The following ABCC1 variants were observed in gnomAD, a reference collection of about 807,000 sequenced individuals.
ABCC1 encodes ATP binding cassette subfamily C member 1 (ABCC1 blood group), also known as multidrug resistance-associated protein 1.
ABCC1 carries 83 observed loss-of-function variants against 172.9 expected under a neutral mutation model. The ratio of observed to expected loss-of-function variants is 0.48; its 90% CI spans 0.40 to 0.58. ABCC1 has a LOEUF of 0.58. Among genes scored for constraint, ABCC1 ranks in the 20% least tolerant of loss-of-function variants. The probability of loss-of-function intolerance (pLI) is 0.00; values close to 1 mark genes in which losing one functional copy is unlikely to be tolerated. For synonymous variants in ABCC1, 937 were observed against 825.2 expected (o/e 1.14, Z -2.32); for missense variants, 1,817 against 2,002.7 (o/e 0.91, Z 1.77).
intron 1 of ABCC1, among the ~76,000 whole-genome samples, chr16:15,982,829 A>G (rs1345474373): frequency 1.3e-5 from 2 of 149,040 alleles, no homozygotes; most frequent in Non-Finnish European, 1.5e-5. Flanking sequence ...AAAAAAGGAA[A>G]TCCATTCTTA....
chr16:16,094,814 CT>C lies in ABCC1; in HGVS notation c.2644+4248del, dbSNP rs895974418. Among the ~76,000 whole-genome samples the C allele has an allele frequency of 8.7e-3, 1,051 of 120,618 alleles. 5 individuals are homozygous for C. The highest frequency in any genetic ancestry group is 0.027 in the African/African-American group (767 of 27,988). The allele number at this position is 120,618 out of a possible 152,430, so 79.1% of individuals were successfully genotyped here. ...ACAGGCGTGAGCCACTGCGCCTGGC[CT>C]TTTTTTTTTTTTTTTTTTTTTGATA... On this transcript the variant is annotated intron_variant, in intron 19 of 30. Coordinates refer to ENST00000399410, the MANE Select transcript of ABCC1 (RefSeq NM_004996.4).
intron 14 of ABCC1, 129 bp downstream of exon 14, chr16:16,071,858 AC>A: frequency 6.3e-6 from 5 of 795,066 alleles, no homozygotes; most frequent in Non-Finnish European, 1.0e-5. Context: ...TGTCTGCGAG[AC>A]CCCGGGGGAC....
At chr16:16,012,923 T>C (rs980660529) in intron 3 of ABCC1, among the ~76,000 whole-genome samples, 11 of 152,182 alleles carry the variant, frequency 7.2e-5, no homozygotes, top group African/African-American at 2.7e-4. Flanking sequence ...CCTCAGGTGA[T>C]CCACGTGCCT....
At chr16:15,951,534 AC>A (rs2045872814) in intron 1 of ABCC1, among the ~76,000 whole-genome samples, 1 of 151,854 alleles carries the variant, frequency 6.6e-6, no homozygotes, top group Non-Finnish European at 1.5e-5. Context: ...CCCGTGTTTG[AC>A]CTTGCGTATT....
chr16:16,142,900 A>G lies in ABCC1; in HGVS notation c.*1619A>G, dbSNP rs1281625114. ...ATTACGCCGCCGACTTCAAACCCAGAGAGCATCTTTCTTTTAGGCGAAAAC... is the reference window on the plus strand; with the variant it reads ...ATTACGCCGCCGACTTCAAACCCAGGGAGCATCTTTCTTTTAGGCGAAAAC... On this transcript the variant is annotated 3_prime_UTR_variant, in exon 31 of 31. Transcript: ENST00000399410. 2.0e-5 allele frequency: 3 copies of G among 152,586 alleles called. No homozygotes were observed. The highest frequency in any genetic ancestry group is 7.2e-5 in the African/African-American group (3 of 41,444). 9.5% of individuals were successfully genotyped at this position (152,586 alleles called of 1,614,324 possible).
At chr16:16,085,679 C>T (rs2050978241) in intron 17 of ABCC1, among the ~76,000 whole-genome samples, 1 of 152,174 alleles carries the variant, frequency 6.6e-6, no homozygotes, top group Non-Finnish European at 1.5e-5. Context: ...ACTTAGGGGG[C>T]TGAGGTGAGA....
chr16:16,104,910 G>T (rs2052001167), intron 20 of ABCC1, among the ~76,000 whole-genome samples: 1 of 152,132 alleles, frequency 6.6e-6, no homozygotes, highest in Non-Finnish European at 1.5e-5. Flanking sequence ...GGGGCTGCCC[G>T]GCAGCTCTGA....
intron 1 of ABCC1, among the ~76,000 whole-genome samples, chr16:16,005,948 C>T (rs778029478): frequency 1.3e-5 from 2 of 149,634 alleles, no homozygotes; most frequent in Non-Finnish European, 3.0e-5. Context: ...GAGCTGAGAT[C>T]ATGCCACTGC....
intron 4 of ABCC1, among the ~76,000 whole-genome samples, chr16:16,015,570 G>A (rs1004610801): frequency 1.3e-5 from 2 of 152,244 alleles, no homozygotes; most frequent in Admixed American, 6.5e-5. Context: ...ATGAGTGATA[G>A]CAGCTGATGC....
chr16:15,996,560 G>A (rs1342445192), intron 1 of ABCC1, among the ~76,000 whole-genome samples: 1 of 152,144 alleles, frequency 6.6e-6, no homozygotes, highest in East Asian at 1.9e-4. Flanking sequence ...CCTGTTGTCT[G>A]CCCCATCCTC....
intron 1 of ABCC1, among the ~76,000 whole-genome samples, chr16:16,003,998 TGGTG>T (rs201252785): frequency 6.8e-6 from 1 of 147,770 alleles, no homozygotes; most frequent in Non-Finnish European, 1.5e-5. Context: ...ATGGATGCAT[TGGTG>T]GGTGGGTGGA....
chr16:16,057,384 A>C (rs1433076469), intron 12 of ABCC1, among the ~76,000 whole-genome samples: 1 of 151,518 alleles, frequency 6.6e-6, no homozygotes, highest in Admixed American at 6.6e-5. Flanking sequence ...AAAAAAAATA[A>C]GTAAAATAAA....
intron 9 of ABCC1, among the ~76,000 whole-genome samples, chr16:16,047,522 T>A (rs1216636545): frequency 6.6e-6 from 1 of 152,096 alleles, no homozygotes; most frequent in Admixed American, 6.5e-5. Context: ...CTAGGGACAT[T>A]TTCCCCCACC....
At chr16:16,060,393 G>A (rs1388259240) in intron 12 of ABCC1, among the ~76,000 whole-genome samples, 1 of 152,182 alleles carries the variant, frequency 6.6e-6, no homozygotes, top group Admixed American at 6.5e-5. Flanking sequence ...ATGACATCTT[G>A]TTGCCCTTCT....
At chr16:15,993,068 C>A (rs2046924524) in intron 1 of ABCC1, among the ~76,000 whole-genome samples, 1 of 152,198 alleles carries the variant, frequency 6.6e-6, no homozygotes, top group African/African-American at 2.4e-5. Context: ...TCCTTCACAG[C>A]AGGTACTGCT....
In ABCC1 at chr16:16,108,689, G is replaced by A. The variant is rs546277553; in HGVS notation, c.2871+1816G>A. 4.0e-5 allele frequency among the ~76,000 whole-genome samples: 6 copies of A among 150,796 alleles called. No homozygotes were observed. In the East Asian group the frequency reaches 5.9e-4, roughly 15 times the overall value. Reference sequence around the variant, plus strand: ...TGGCTAACTGCAGCCTCCACCTCCCGGATTCAAGTGATTCTCCCACCTCAG... The same window carrying A: ...TGGCTAACTGCAGCCTCCACCTCCCAGATTCAAGTGATTCTCCCACCTCAG... On this transcript the variant is annotated intron_variant, in intron 21 of 30. Coordinates refer to ENST00000399410, the MANE Select transcript of ABCC1 (RefSeq NM_004996.4).
intron 1 of ABCC1, among the ~76,000 whole-genome samples, chr16:15,977,793 C>T (rs777997197): frequency 1.1e-4 from 17 of 152,174 alleles, no homozygotes; most frequent in Non-Finnish European, 2.4e-4. Context: ...GCTTTGACCT[C>T]TCAAGTGGAA....
intron 1 of ABCC1, among the ~76,000 whole-genome samples, chr16:15,998,698 T>C (rs2047142815): frequency 6.6e-6 from 1 of 152,208 alleles, no homozygotes; most frequent in South Asian, 2.1e-4. Context: ...GGGAAACACC[T>C]TCCTTTGCTC....
chr16:16,014,592 C>CATCCTGAG lies in ABCC1; in HGVS notation c.458_465dup (p.Lys156Ter). On this transcript the variant is annotated frameshift_variant, in exon 4 of 31. Coordinates refer to ENST00000399410, the MANE Select transcript of ABCC1 (RefSeq NM_004996.4). LOFTEE classifies it high-confidence loss of function. ...TGGTAGCCCTAGTGTGTGCCCTAGC[C>CATCCTGAG]ATCCTGAGATCCAAAATTATGACAG... is the stretch of plus-strand genomic sequence containing the variant. 1 of 1,614,054 alleles carries CATCCTGAG rather than the reference C, an allele frequency of 6.2e-7. No homozygotes were observed. The highest frequency in any genetic ancestry group is 8.5e-7 in the Non-Finnish European group (1 of 1,180,006).
Sources: gnomAD v4.1 joint callset for allele counts (sites outside exome capture counted in the v4.1 genomes callset) on GRCh38, gnomAD v4.1.1 for gene constraint, MANE v1.5 for transcripts, NCBI Gene and HGNC (gene_info 2026-07-23, HGNC 2026-07-21) for gene names.